The following CALN1 variants were observed in gnomAD, a reference collection of about 807,000 sequenced individuals.
The protein encoded by CALN1 is calcium-binding protein 8.
CALN1 carries 17 observed loss-of-function variants against 30.6 expected under a neutral mutation model. The observed-to-expected ratio is 0.56, with a 90% CI of 0.38 to 0.83. The LOEUF is 0.83. Among genes scored for constraint, CALN1 ranks in the 40% least tolerant of loss-of-function variants. CALN1 has a pLI of 0.00. For synonymous variants in CALN1, 156 were observed against 131.4 expected, an observed-to-expected ratio of 1.19 and a Z score of -1.28; for missense variants, 291 against 354.9, an observed-to-expected ratio of 0.82 and a Z score of 1.45.
intron 4 of CALN1, among the ~76,000 whole-genome samples, chr7:72,068,246 AC>A (rs1363044116): frequency 6.6e-6 from 1 of 152,234 alleles, no homozygotes; most frequent in Non-Finnish European, 1.5e-5. Context: ...CAAATTATAT[AC>A]ATACACTATT....
chr7:72,068,271 T>A (rs1021292335), intron 4 of CALN1, among the ~76,000 whole-genome samples: 3 of 152,210 alleles, frequency 2.0e-5, no homozygotes. Flanking sequence ...TCATCAAATA[T>A]TAACAGAGAT....
chr7:72,157,593 T>G lies in CALN1; in HGVS notation c.245-51299A>C, dbSNP rs574449165. Among the ~76,000 whole-genome samples, 62 of 151,310 alleles carry G rather than the reference T, an allele frequency of 4.1e-4. No homozygotes were observed. The South Asian group carries it at 0.01, about 25-fold the overall frequency. On this transcript the variant is annotated intron_variant, in intron 3 of 6. Coordinates refer to ENST00000395275, the MANE Select transcript of CALN1 (RefSeq NM_031468.4). Reference sequence around the variant, plus strand: ...GACAGGGGAAAAAAAAAACAGGGTATTTTTGAAAAACTGAAGAAAGTTCCA... The same window carrying G: ...GACAGGGGAAAAAAAAAACAGGGTAGTTTTGAAAAACTGAAGAAAGTTCCA...
At chr7:72,479,992 G>A in the CALN1 span, among the ~76,000 whole-genome samples, 16 of 152,164 alleles carry the variant, frequency 1.1e-4, no homozygotes, top group Non-Finnish European at 2.2e-4. Flanking sequence ...CTACTTTTAC[G>A]CCAATAATAC....
intron 5 of CALN1, among the ~76,000 whole-genome samples, chr7:71,938,744 G>A (rs577878660): frequency 3.2e-4 from 48 of 152,160 alleles, no homozygotes; most frequent in African/African-American, 8.7e-4. Context: ...GCAGTGAGCC[G>A]AGATGGCGCC....
At chr7:72,411,773 G>A (rs927710201) in intron 1 of CALN1, among the ~76,000 whole-genome samples, 1 of 152,118 alleles carries the variant, frequency 6.6e-6, no homozygotes, top group African/African-American at 2.4e-5. Flanking sequence ...GAATGTAATT[G>A]CTAAGGAATA....
intron 5 of CALN1, among the ~76,000 whole-genome samples, chr7:71,920,003 G>A (rs1049514352): frequency 2.0e-5 from 3 of 152,200 alleles, no homozygotes; most frequent in Non-Finnish European, 2.9e-5. Context: ...AATGTCTGCA[G>A]AGTAAACACA....
At chr7:71,788,915 C>T (rs1260684057) in intron 6 of CALN1, among the ~76,000 whole-genome samples, 2 of 152,106 alleles carry the variant, frequency 1.3e-5, no homozygotes, top group African/African-American at 4.8e-5. Flanking sequence ...GCCTTGGCCT[C>T]CCAAAGTGCT....
rs191269305 is a variant in CALN1, at chr7:72,083,485, G to A, written c.388+22666C>T. On this transcript the variant is annotated intron_variant, in intron 4 of 6. Coordinates refer to ENST00000395275, the MANE Select transcript of CALN1 (RefSeq NM_031468.4). ...TGTAATCCTAGTGCTTTGTAAGGCC[G>A]AGACAGGAGGATCACTTGAGCCCAG... Among the ~76,000 whole-genome samples, 671 of 152,240 alleles carry A rather than the reference G, an allele frequency of 4.4e-3. 6 individuals carry two copies. The highest frequency in any genetic ancestry group is 6.8e-3 in the Middle Eastern group (2 of 294).
At chr7:71,948,833 GGA>G (rs1430107759) in intron 5 of CALN1, among the ~76,000 whole-genome samples, 3 of 151,238 alleles carry the variant, frequency 2.0e-5, no homozygotes, top group Admixed American at 6.6e-5. Flanking sequence ...CTTGAACCCA[GGA>G]GTTCCACACC....
the CALN1 span, among the ~76,000 whole-genome samples, chr7:72,459,140 G>A: frequency 6.6e-6 from 1 of 152,002 alleles, no homozygotes; most frequent in South Asian, 2.1e-4. Flanking sequence ...TCGACCTCAG[G>A]TAATCCACCT....
chr7:72,477,608 A>G, the CALN1 span, among the ~76,000 whole-genome samples: 1 of 152,014 alleles, frequency 6.6e-6, no homozygotes, highest in African/African-American at 2.4e-5. Flanking sequence ...TTTTTGTAGA[A>G]ACGGGGTCTT....
chr7:72,062,156 AG>A (rs1169577356), intron 4 of CALN1, among the ~76,000 whole-genome samples: 1 of 152,198 alleles, frequency 6.6e-6, no homozygotes, highest in Non-Finnish European at 1.5e-5. Flanking sequence ...AGAAAAGTAA[AG>A]AAATTCATTG....
chr7:72,046,905 AAT>A (rs1319657962), intron 4 of CALN1, among the ~76,000 whole-genome samples: 1 of 151,798 alleles, frequency 6.6e-6, no homozygotes, highest in African/African-American at 2.4e-5. Context: ...CTCTACAAGA[AAT>A]ATAAACATTA....
intron 5 of CALN1, among the ~76,000 whole-genome samples, chr7:71,972,922 G>A (rs1797920190): frequency 6.6e-6 from 1 of 152,092 alleles, no homozygotes; most frequent in African/African-American, 2.4e-5. Context: ...GTCACCTGAT[G>A]TTCACTCATG....
At chr7:71,854,322 A>G (rs943449253) in intron 5 of CALN1, among the ~76,000 whole-genome samples, 1 of 151,960 alleles carries the variant, frequency 6.6e-6, no homozygotes, top group South Asian at 2.1e-4. Context: ...TCGGTGACAG[A>G]GCAAGACTCC....
intron 4 of CALN1, among the ~76,000 whole-genome samples, chr7:72,080,414 A>G (rs890469225): frequency 1.3e-5 from 2 of 152,146 alleles, no homozygotes; most frequent in African/African-American, 4.8e-5. Flanking sequence ...GGCAGAACAG[A>G]CCCGGACCTG....
the CALN1 span, among the ~76,000 whole-genome samples, chr7:72,456,097 T>C: frequency 6.7e-6 from 1 of 150,270 alleles, no homozygotes; most frequent in East Asian, 2.0e-4. Context: ...GGCAAAAGAA[T>C]CACTTGAACC....
Position 72,227,333 on chromosome 7 carries a change from A to G in CALN1, c.244+51353T>C, listed in dbSNP as rs968920850. ...GGTAAGCAGATAACTAAAGGTCAGG[A>G]GTTCAAGACCGGCCTGGCCAACATG... On this transcript the variant is annotated intron_variant, in intron 3 of 6. Coordinates refer to ENST00000395275, the MANE Select transcript of CALN1 (RefSeq NM_031468.4). Among the ~76,000 whole-genome samples, 5 of 151,926 alleles carry G rather than the reference A, an allele frequency of 3.3e-5. No individual in the cohort carries two copies. In the East Asian group the frequency reaches 9.7e-4, roughly 29 times the overall value.
At chr7:72,207,894 AATTT>A (rs1461708813) in intron 3 of CALN1, among the ~76,000 whole-genome samples, 2 of 152,174 alleles carry the variant, frequency 1.3e-5, no homozygotes, top group African/African-American at 4.8e-5. Flanking sequence ...AATCTATACA[AATTT>A]ATCTATGGTA....
Sources: allele counts gnomAD v4.1 joint callset (sites outside exome capture counted in the v4.1 genomes callset), GRCh38; gene constraint gnomAD v4.1.1; transcripts MANE v1.5; gene names NCBI Gene and HGNC (gene_info 2026-07-23, HGNC 2026-07-21).